The following PPP4R1 variants were observed in gnomAD, a reference collection of about 807,000 sequenced individuals.
PPP4R1 encodes protein phosphatase 4 regulatory subunit 1, also known as serine/threonine-protein phosphatase 4 regulatory subunit 1.
In PPP4R1, 42 loss-of-function variants were observed where a neutral mutation model predicts 111.2. That is an observed-to-expected ratio of 0.38 (90% CI 0.29 to 0.49). The LOEUF (loss-of-function observed/expected upper bound fraction) is 0.49. Ranked by LOEUF, PPP4R1 falls within the 20% of genes least tolerant of loss-of-function variation. The pLI is 0.97. For missense variants in PPP4R1, 1,012 were observed against 1,161.6 expected, an observed-to-expected ratio of 0.87 and a Z score of 1.87; for synonymous variants, 409 against 405.5, an observed-to-expected ratio of 1.01 and a Z score of -0.10.
In PPP4R1 at chr18:9,557,281, A is replaced by C; in HGVS notation, c.2130T>G (p.Phe710Leu). The C allele has an allele frequency of 6.2e-7, 1 of 1,613,056 alleles. No individual in the cohort carries two copies. The highest frequency in any genetic ancestry group is 8.5e-7 in the Non-Finnish European group (1 of 1,179,712). The stretch of plus-strand genomic sequence containing the variant: ...TCCTGACTTCATCGAGGTCTTTTAA[A>C]AATCCATTAAAAATTGGAACCAGAT... ...AADLVPIFNG[F>L]LKDLDEVRIG... The change falls in exon 15 of 20, where the codon TTT becomes TTG. Residue 710 changes from phenylalanine (F) to leucine (L), a missense_variant. This residue lies in a region of PPP4R1 where 305 missense variants were observed against 419.5 expected (regional missense o/e 0.73). Transcript: ENST00000400556.
chr18:9,604,822 G>A (rs2067451303), intron 2 of PPP4R1, among the ~76,000 whole-genome samples: 1 of 151,872 alleles, frequency 6.6e-6, no homozygotes, highest in African/African-American at 2.4e-5. Context: ...CTAAAAAACA[G>A]AGTCCAATGC....
chr18:9,559,090 A>G (rs1200112709), intron 14 of PPP4R1, among the ~76,000 whole-genome samples: 2 of 152,244 alleles, frequency 1.3e-5, no homozygotes, highest in African/African-American at 2.4e-5. Flanking sequence ...TTATAATACT[A>G]TTTCTAGGTG....
At chr18:9,565,804 A>T (rs183967721) in intron 11 of PPP4R1, among the ~76,000 whole-genome samples, 2 of 152,380 alleles carry the variant, frequency 1.3e-5, no homozygotes, top group African/African-American at 4.8e-5. Flanking sequence ...CATCTCCATA[A>T]CATAGAAGTG....
intron 9 of PPP4R1, among the ~76,000 whole-genome samples, chr18:9,578,759 G>A (rs113916731): frequency 2.6e-5 from 4 of 152,218 alleles, no homozygotes; most frequent in African/African-American, 9.6e-5. Flanking sequence ...AGAATAGCTT[G>A]TATGTGTGTA....
In PPP4R1 at chr18:9,548,659, G is replaced by A. The variant is rs558135669; in HGVS notation, c.2689+538C>T. Among the ~76,000 whole-genome samples the A allele has an allele frequency of 6.6e-5, 10 of 152,322 alleles. No homozygotes were observed. The South Asian group carries it at 2.1e-3, about 32-fold the overall frequency. On this transcript the variant is annotated intron_variant, in intron 19 of 19. Coordinates refer to ENST00000400556, the MANE Select transcript of PPP4R1 (RefSeq NM_001042388.3). The stretch of plus-strand genomic sequence containing the variant: ...AGGTCAGGCACGGTGGGTCATGCCT[G>A]TAATCCCAGCACTTTGGGAGGCTGA...
chr18:9,603,229 T>C (rs2057103203), intron 2 of PPP4R1, among the ~76,000 whole-genome samples: 1 of 109,090 alleles, frequency 9.2e-6, no homozygotes, highest in South Asian at 2.6e-4. Flanking sequence ...ATTGACTTAT[T>C]TATGCAACAA....
At position 9,562,005 on chromosome 18, in the gene PPP4R1, T is replaced by C; in HGVS notation, c.1817A>G (p.Asp606Gly). 2 of 1,612,494 alleles carry C rather than the reference T, an allele frequency of 1.2e-6. No homozygotes were observed. The highest frequency in any genetic ancestry group is 1.7e-6 in the Non-Finnish European group (2 of 1,178,658). ...TTGTACTTTAGTTCTCCTTTCCTCATCAGGGCTAAAACTGCTATTGTTGCT... is the reference window on the plus strand; with the variant it reads ...TTGTACTTTAGTTCTCCTTTCCTCACCAGGGCTAAAACTGCTATTGTTGCT... ...DLSNNSSFSPDEERRTKVQDV... is the reference protein window; with the variant it reads ...DLSNNSSFSPGEERRTKVQDV... Residue 606 changes from aspartate (D) to glycine (G), a missense_variant, in exon 13 of 20, where the codon GAT becomes GGT. Around this residue, in one of 2 missense-constraint regions of PPP4R1, gnomAD observed 707 missense variants for 742.1 expected, o/e 0.95. Coordinates refer to ENST00000400556, the MANE Select transcript of PPP4R1 (RefSeq NM_001042388.3).
rs182425318 is a variant in PPP4R1, at chr18:9,547,480, G to A, written c.*309C>T. The A allele has an allele frequency of 7.8e-4, 191 of 246,108 alleles. 1 individual carries two copies. Among genetic ancestry groups the A allele is most frequent in the African/African-American group, 3.0e-3 (136 of 45,890 alleles). 15.2% of individuals were successfully genotyped at this position (246,108 alleles called of 1,614,324 possible). On this transcript the variant is annotated 3_prime_UTR_variant, in exon 20 of 20. Transcript: ENST00000400556. ...TCTGGGAATCTCATCCCTTCCATAA[G>A]GAAAATGCTCTGCCAATTCAAGTTT...
At chr18:9,581,866 T>G (rs2067034810) in intron 9 of PPP4R1, among the ~76,000 whole-genome samples, 1 of 152,010 alleles carries the variant, frequency 6.6e-6, no homozygotes, top group African/African-American at 2.4e-5. Flanking sequence ...GGAACCCCAA[T>G]ATGATTAACC....
At position 9,592,056 on chromosome 18, in the gene PPP4R1, C is replaced by T. The variant is rs77488646; in HGVS notation, c.295+1712G>A. 8.3e-3 allele frequency among the ~76,000 whole-genome samples: 1,259 copies of T among 152,180 alleles called. 18 individuals are homozygous for T. The highest frequency in any genetic ancestry group is 0.029 in the African/African-American group (1,187 of 41,498). On this transcript the variant is annotated intron_variant, in intron 4 of 19. Coordinates refer to ENST00000400556, the MANE Select transcript of PPP4R1 (RefSeq NM_001042388.3). ...CTCTGCTCTAGCTTGGGCAACAGAG[C>T]GAGACTCTGTCTCAAAAACAAAAAC...
chr18:9,600,358 T>C (rs964216611), intron 2 of PPP4R1, among the ~76,000 whole-genome samples: 2 of 151,714 alleles, frequency 1.3e-5, no homozygotes, highest in African/African-American at 4.8e-5. Flanking sequence ...GAAAAAACCA[T>C]AAGTCAAACA....
intron 2 of PPP4R1, among the ~76,000 whole-genome samples, chr18:9,611,994 C>T (rs1489530847): frequency 6.8e-6 from 1 of 147,378 alleles, no homozygotes; most frequent in Admixed American, 6.8e-5. Context: ...GCCTGGGCAA[C>T]AAGAGTGAAA....
rs76824928 is a variant in PPP4R1 at position 9,574,000 on chromosome 18, T to G, written c.1046+3064A>C. Among the ~76,000 whole-genome samples the G allele has an allele frequency of 2.7e-3, 418 of 152,240 alleles. 1 individual carries two copies. Among genetic ancestry groups the G allele is most frequent in the African/African-American group, 9.7e-3 (404 of 41,542 alleles). On this transcript the variant is annotated intron_variant, in intron 10 of 19. Coordinates refer to ENST00000400556, the MANE Select transcript of PPP4R1 (RefSeq NM_001042388.3). ...CTTCAAAAATGTCGAAAGTATAAAT[T>G]CTCTAAATTCTAATTTTTCCTGGTA...
chr18:9,605,939 G>A (rs908079164), intron 2 of PPP4R1, among the ~76,000 whole-genome samples: 2 of 152,166 alleles, frequency 1.3e-5, no homozygotes, highest in African/African-American at 4.8e-5. Flanking sequence ...TTGTGTGTGT[G>A]TACATAACTG....
intron 2 of PPP4R1, chr18:9,613,979 G>A (rs1195856983): frequency 7.3e-6 from 2 of 274,978 alleles, no homozygotes; most frequent in East Asian, 5.8e-5. Context: ...GCCGGGAGAA[G>A]AGAGCGAAGG....
At chr18:9,571,977 A>C (rs1312450388) in intron 10 of PPP4R1, among the ~76,000 whole-genome samples, 19 of 152,244 alleles carry the variant, frequency 1.2e-4, no homozygotes, top group Non-Finnish European at 4.4e-5. Context: ...ACAGACATGC[A>C]GGTAAGAAGT....
At chr18:9,558,164 G>A (rs546380661) in intron 14 of PPP4R1, among the ~76,000 whole-genome samples, 10 of 152,234 alleles carry the variant, frequency 6.6e-5, no homozygotes, top group African/African-American at 2.4e-4. Flanking sequence ...ACAGTTTAGA[G>A]CAAACACTGT....
chr18:9,579,671 T>C (rs1300671094), intron 9 of PPP4R1, among the ~76,000 whole-genome samples: 1 of 152,188 alleles, frequency 6.6e-6, no homozygotes, highest in African/African-American at 2.4e-5. Flanking sequence ...CCCATGATGG[T>C]TGTGTCTGTA....
At chr18:9,589,117 T>C (rs1293692698) in intron 4 of PPP4R1, among the ~76,000 whole-genome samples, 4 of 152,200 alleles carry the variant, frequency 2.6e-5, no homozygotes, top group African/African-American at 9.6e-5. Flanking sequence ...AATAAATAAA[T>C]TTATTCATCA....
Sources: allele counts gnomAD v4.1 joint callset (sites outside exome capture counted in the v4.1 genomes callset), GRCh38; gene constraint gnomAD v4.1.1; regional missense constraint gnomAD v4.1.1; transcripts MANE v1.5; gene names NCBI Gene and HGNC (gene_info 2026-07-23, HGNC 2026-07-21).